AKAP10: variants seen among roughly 807,000 people sequenced by gnomAD.
AKAP10 encodes the protein A-kinase anchor protein 10, mitochondrial.
In AKAP10, 24 loss-of-function variants were observed where a neutral mutation model predicts 80.8. The observed-to-expected ratio is 0.30, with a 90% CI of 0.22 to 0.42. The LOEUF (loss-of-function observed/expected upper bound fraction) is 0.42. Among genes scored for constraint, AKAP10 ranks in the 10% least tolerant of loss-of-function variants. The pLI is 1.00. For missense variants in AKAP10, 661 were observed against 794.9 expected (o/e 0.83, Z 2.03); for synonymous variants, 291 against 277.7 (o/e 1.05, Z -0.48).
chr17:19,948,067 G>A (rs2043154837), intron 4 of AKAP10, among the ~76,000 whole-genome samples: 1 of 151,852 alleles, frequency 6.6e-6, no homozygotes, highest in South Asian at 2.1e-4. Flanking sequence ...TTCCTAATGT[G>A]CTTGCTAAAG....
chr17:19,932,798 T>C (rs569225117), intron 9 of AKAP10, among the ~76,000 whole-genome samples: 54 of 152,262 alleles, frequency 3.5e-4, no homozygotes, highest in African/African-American at 1.3e-3. Context: ...CACATTGTTT[T>C]TTTTTCAAAT....
At chr17:19,946,104 A>G (rs2043101223) in intron 5 of AKAP10, among the ~76,000 whole-genome samples, 1 of 135,922 alleles carries the variant, frequency 7.4e-6, no homozygotes, top group Admixed American at 7.8e-5. Context: ...TTTTTATTCT[A>G]GTATATATAT....
At chr17:19,908,880 C>CA (rs1208957402) in intron 14 of AKAP10, among the ~76,000 whole-genome samples, 1 of 152,224 alleles carries the variant, frequency 6.6e-6, no homozygotes, top group African/African-American at 2.4e-5. Flanking sequence ...CTTGGCCTCC[C>CA]AAAGTGCTGG....
chr17:19,949,872 G>C (rs975270775), intron 4 of AKAP10, among the ~76,000 whole-genome samples: 1 of 151,474 alleles, frequency 6.6e-6, no homozygotes, highest in Non-Finnish European at 1.5e-5. Flanking sequence ...TTTTATGGTG[G>C]TTAAGTTTTC....
intron 5 of AKAP10, among the ~76,000 whole-genome samples, chr17:19,946,104 AGT>A (rs1491111217): frequency 7.4e-6 from 1 of 135,922 alleles, no homozygotes; most frequent in Non-Finnish European, 1.5e-5. Flanking sequence ...TTTTTATTCT[AGT>A]ATATATATAT....
At position 19,909,199 on chromosome 17, in the gene AKAP10, C is replaced by G; in HGVS notation, c.1965G>C (p.Pro655=). ...TCCTTACCTTTGTAGATTTCTCTAA[C>G]GGTTGATCATACTGAGCCTGCTGCA... The part of the protein sequence containing the change: ...DIMQQAQYDQ[P]LEKSTKL Residue 655 remains proline (P), a synonymous_variant, in exon 14 of 15, where the codon CCG becomes CCC. Coordinates refer to ENST00000225737, the MANE Select transcript of AKAP10 (RefSeq NM_007202.4). 2 of 1,612,262 alleles carry G rather than the reference C, an allele frequency of 1.2e-6. No individual in the cohort carries two copies. Among genetic ancestry groups the G allele is most frequent in the Non-Finnish European group, 1.7e-6 (2 of 1,179,424 alleles).
At chr17:19,912,796 T>C (rs1288329508) in intron 12 of AKAP10, among the ~76,000 whole-genome samples, 10 of 152,110 alleles carry the variant, frequency 6.6e-5, no homozygotes, top group Non-Finnish European at 1.3e-4. Flanking sequence ...TAGTAAATGA[T>C]GAAAATTCTT....
chr17:19,946,883 G>A (rs146551605), intron 5 of AKAP10, among the ~76,000 whole-genome samples: 4 of 152,252 alleles, frequency 2.6e-5, no homozygotes, highest in Non-Finnish European at 5.9e-5. Context: ...AGGGTGCCCA[G>A]GGACGTCAGG....
intron 12 of AKAP10, among the ~76,000 whole-genome samples, chr17:19,912,851 G>A (rs1448113240): frequency 1.3e-5 from 2 of 152,180 alleles, no homozygotes; most frequent in Non-Finnish European, 2.9e-5. Flanking sequence ...AGAGGAAGGG[G>A]AGCCGAACTG....
At chr17:19,925,520 C>T (rs2042866838) in intron 10 of AKAP10, among the ~76,000 whole-genome samples, 1 of 152,092 alleles carries the variant, frequency 6.6e-6, no homozygotes, top group African/African-American at 2.4e-5. Context: ...CATAGGTTGA[C>T]CTAGAAATTC....
At chr17:19,946,237 T>TATTATATATATATATA (rs1491288818) in intron 5 of AKAP10, among the ~76,000 whole-genome samples, 3 of 15,162 alleles carry the variant, frequency 2.0e-4, no homozygotes, top group Admixed American at 1.5e-3. Flanking sequence ...TATATATATA[T>TATTATATATATATATA]TATATATATA....
intron 12 of AKAP10, among the ~76,000 whole-genome samples, chr17:19,913,346 G>A (rs112001611): frequency 0.098 from 14,928 of 151,986 alleles, 811 homozygotes; most frequent in Non-Finnish European, 0.12. Context: ...TAGAGATGGG[G>A]TTTCACTGTG....
At chr17:19,952,450 G>C (rs1462263792) in intron 4 of AKAP10, among the ~76,000 whole-genome samples, 1 of 150,426 alleles carries the variant, frequency 6.6e-6, no homozygotes, top group African/African-American at 2.5e-5. Context: ...GGCAACAAGA[G>C]CAAAACTCTG....
intron 9 of AKAP10, among the ~76,000 whole-genome samples, chr17:19,934,045 C>G (rs2042966751): frequency 6.6e-6 from 1 of 152,062 alleles, no homozygotes; most frequent in Admixed American, 6.6e-5. Flanking sequence ...CCTCAGCCTC[C>G]TAAGTAGCTG....
chr17:19,916,024 A>T (rs1472338900), intron 12 of AKAP10, among the ~76,000 whole-genome samples: 1 of 152,068 alleles, frequency 6.6e-6, no homozygotes, highest in Non-Finnish European at 1.5e-5. Context: ...TGCTCACTCC[A>T]TTCCAGCCAC....
chr17:19,931,893 A>G lies in AKAP10; in HGVS notation c.1553T>C (p.Leu518Pro), dbSNP rs766844627. 6 of 1,614,192 alleles carry G rather than the reference A, an allele frequency of 3.7e-6. No homozygotes were observed. In the South Asian group the frequency reaches 5.5e-5, roughly 15 times the overall value. Residue 518 changes from leucine to proline, a missense_variant, in exon 10 of 15, where the codon CTG becomes CCG. Coordinates refer to ENST00000225737, the MANE Select transcript of AKAP10 (RefSeq NM_007202.4). ...AGCAGTCAGCGACACGTTCCCGCCC[A>G]GAAATTCATCTCCTCGAACCGAATG... ...LIHSVRGDEFLGGNVSLTAPG... is the reference protein window; with the variant it reads ...LIHSVRGDEFPGGNVSLTAPG...
In AKAP10 at chr17:19,951,033, C is replaced by G. The variant is rs1453884816; in HGVS notation, c.878-3528G>C. ...CTGGGAGGTGAGGAGCGTCTCTGCC[C>G]GGCCGCCCCGTCTGAGAAGTGAGGA... On this transcript the variant is annotated intron_variant, in intron 4 of 14. Transcript: ENST00000225737. Among the ~76,000 whole-genome samples the G allele has an allele frequency of 2.1e-4, 32 of 152,000 alleles. No individual in the cohort carries two copies. In the East Asian group the frequency reaches 6.2e-3, roughly 30 times the overall value.
chr17:19,972,522 C>T (rs1406072883), intron 1 of AKAP10, among the ~76,000 whole-genome samples: 3 of 152,176 alleles, frequency 2.0e-5, no homozygotes, highest in Non-Finnish European at 4.4e-5. Flanking sequence ...GTGGCGCGAT[C>T]TCAGCTCACT....
intron 12 of AKAP10, among the ~76,000 whole-genome samples, chr17:19,911,289 A>G (rs978581067): frequency 6.6e-6 from 1 of 152,152 alleles, no homozygotes; most frequent in Non-Finnish European, 1.5e-5. Flanking sequence ...CATGTTAAAA[A>G]AACTCAATCT....
Sources: gnomAD v4.1 joint callset for allele counts (sites outside exome capture counted in the v4.1 genomes callset) on GRCh38, gnomAD v4.1.1 for gene constraint, MANE v1.5 for transcripts, NCBI Gene and HGNC (gene_info 2026-07-23, HGNC 2026-07-21) for gene names.